Variants in ERBB4 observed in about 807,000 individuals in gnomAD.
The protein encoded by ERBB4 is erb-b2 receptor tyrosine kinase 4, also known as receptor tyrosine-protein kinase erbB-4.
Under a neutral mutation model 158.0 loss-of-function variants are expected in ERBB4, and 42 were observed. The observed-to-expected ratio is 0.27, with a 90% CI of 0.21 to 0.34. ERBB4 has a LOEUF of 0.34. Ranked by LOEUF, ERBB4 falls within the 10% of genes least tolerant of loss-of-function variation. ERBB4 has a pLI of 1.00. For synonymous variants in ERBB4, 583 were observed against 558.7 expected (o/e 1.04, Z -0.61); for missense variants, 1,333 against 1,624.1 (o/e 0.82, Z 3.08).
At chr2:212,463,811 A>T (rs781215516) in intron 1 of ERBB4, among the ~76,000 whole-genome samples, 1 of 152,122 alleles carries the variant, frequency 6.6e-6, no homozygotes, top group Non-Finnish European at 1.5e-5. Flanking sequence ...CATATTGCAG[A>T]ATTACCATCC....
intron 2 of ERBB4, among the ~76,000 whole-genome samples, chr2:212,052,898 G>T (rs779860031): frequency 1.3e-5 from 2 of 152,130 alleles, no homozygotes; most frequent in African/African-American, 2.4e-5. Flanking sequence ...TCTCCCATTT[G>T]ACATCACCCG....
chr2:211,873,942 T>C (rs2078426287), intron 3 of ERBB4, among the ~76,000 whole-genome samples: 1 of 152,082 alleles, frequency 6.6e-6, no homozygotes, highest in Admixed American at 6.6e-5. Flanking sequence ...GGCTTCAAAA[T>C]CTTCACTCTG....
At chr2:211,435,963 GTTT>G (rs11300609) in intron 20 of ERBB4, among the ~76,000 whole-genome samples, 3 of 150,056 alleles carry the variant, frequency 2.0e-5, no homozygotes, top group African/African-American at 4.9e-5. Context: ...TGTTTTCTTT[GTTT>G]TTTTTTTTGA....
chr2:212,213,282 C>T, intron 1 of ERBB4, among the ~76,000 whole-genome samples: 1 of 151,984 alleles, frequency 6.6e-6, no homozygotes, highest in East Asian at 1.9e-4. Flanking sequence ...AAAAAGAAGA[C>T]ATTTACACAG....
rs557560536 is a variant in ERBB4 at position 212,361,819 on chromosome 2, C to T, written c.82+176630G>A. ...GACAATGTCTGGCATGTGGTTGTCA[C>T]ATTAGCATTTGATTAATATGAAAAA... On this transcript the variant is annotated intron_variant, in intron 1 of 27. Transcript: ENST00000342788. Among the ~76,000 whole-genome samples, 18 of 151,712 alleles carry T rather than the reference C, an allele frequency of 1.2e-4. 1 individual carries two copies. In the South Asian group the frequency reaches 3.7e-3, roughly 31 times the overall value.
At chr2:211,556,828 G>C (rs970006190) in intron 20 of ERBB4, among the ~76,000 whole-genome samples, 3 of 152,068 alleles carry the variant, frequency 2.0e-5, no homozygotes, top group Non-Finnish European at 4.4e-5. Context: ...AAAGAACAAG[G>C]CTGGAGGCAC....
intron 1 of ERBB4, among the ~76,000 whole-genome samples, chr2:212,277,592 C>T (rs2085590430): frequency 6.6e-6 from 1 of 151,706 alleles, no homozygotes; most frequent in African/African-American, 2.4e-5. Context: ...TCAGCTCATA[C>T]TACAGAGAGT....
chr2:212,073,447 A>G (rs1575597662), intron 2 of ERBB4, among the ~76,000 whole-genome samples: 1 of 151,982 alleles, frequency 6.6e-6, no homozygotes, highest in Non-Finnish European at 1.5e-5. Context: ...CAGGGATTCT[A>G]TGAGGCTGTA....
chr2:212,005,649 T>C (rs1396390658), intron 2 of ERBB4, among the ~76,000 whole-genome samples: 2 of 152,196 alleles, frequency 1.3e-5, no homozygotes, highest in Non-Finnish European at 2.9e-5. Context: ...GAACACTATA[T>C]GTAGTTCAGA....
chr2:212,036,093 A>G (rs1371240203), intron 2 of ERBB4, among the ~76,000 whole-genome samples: 1 of 152,216 alleles, frequency 6.6e-6, no homozygotes. Flanking sequence ...CTAAATCTTC[A>G]TATCAGTTAC....
intron 2 of ERBB4, among the ~76,000 whole-genome samples, chr2:211,957,883 T>C (rs933002265): frequency 1.3e-5 from 2 of 152,172 alleles, no homozygotes; most frequent in Admixed American, 1.3e-4. Context: ...TTTATAAATG[T>C]GATGTTTTCC....
At chr2:211,953,724 G>C (rs10497954) in intron 2 of ERBB4, among the ~76,000 whole-genome samples, 9,935 of 151,996 alleles carry the variant, frequency 0.065, 667 homozygotes, top group East Asian at 0.28. Flanking sequence ...TATTATTAAA[G>C]CCTTGAATGC....
At chr2:211,437,785 C>T (rs1451730087) in intron 20 of ERBB4, among the ~76,000 whole-genome samples, 2 of 151,978 alleles carry the variant, frequency 1.3e-5, no homozygotes, top group Non-Finnish European at 2.9e-5. Context: ...TTACCTGAAG[C>T]TTTCGTAATA....
intron 1 of ERBB4, among the ~76,000 whole-genome samples, chr2:212,308,620 CT>C: frequency 6.7e-6 from 1 of 149,420 alleles, no homozygotes; most frequent in East Asian, 2.0e-4. Context: ...CCCTCAACAT[CT>C]TTTCCCCTCA....
chr2:211,506,770 T>C (rs1013061081), intron 20 of ERBB4, among the ~76,000 whole-genome samples: 3 of 151,860 alleles, frequency 2.0e-5, no homozygotes, highest in Admixed American at 6.6e-5. Flanking sequence ...AAGAGGAAAG[T>C]GTATAATGTT....
intron 1 of ERBB4, among the ~76,000 whole-genome samples, chr2:212,229,387 T>C (rs2083587795): frequency 6.6e-6 from 1 of 152,120 alleles, no homozygotes; most frequent in African/African-American, 2.4e-5. Flanking sequence ...TGATGGGCAA[T>C]GGTGCTCTAG....
intron 3 of ERBB4, among the ~76,000 whole-genome samples, chr2:211,850,844 A>C (rs11897503): frequency 0.22 from 33,181 of 151,768 alleles, 3,753 homozygotes; most frequent in South Asian, 0.33. Context: ...ATTAGAACTG[A>C]AAGATAATCT....
chr2:211,949,181 G>T (rs1011867629), intron 2 of ERBB4, among the ~76,000 whole-genome samples: 7 of 152,058 alleles, frequency 4.6e-5, no homozygotes, highest in Non-Finnish European at 8.8e-5. Context: ...CTAGGTTATT[G>T]CAATAGGTCT....
chr2:212,032,041 G>C (rs1010125621), intron 2 of ERBB4, among the ~76,000 whole-genome samples: 1 of 152,004 alleles, frequency 6.6e-6, no homozygotes, highest in African/African-American at 2.4e-5. Flanking sequence ...TATTAATATT[G>C]CTAAATATTA....
Sources: gnomAD v4.1 joint callset for allele counts (sites outside exome capture counted in the v4.1 genomes callset) on GRCh38, gnomAD v4.1.1 for gene constraint, MANE v1.5 for transcripts, NCBI Gene and HGNC (gene_info 2026-07-23, HGNC 2026-07-21) for gene names.